The following CADPS variants were observed in gnomAD, a reference collection of about 807,000 sequenced individuals.
CADPS encodes calcium-dependent secretion activator 1.
In CADPS, 57 loss-of-function variants were observed where a neutral mutation model predicts 167.3. That is an observed-to-expected ratio of 0.34 (90% CI 0.28 to 0.42). The LOEUF (loss-of-function observed/expected upper bound fraction) is 0.42. CADPS is among the 20% of genes least tolerant of loss of function. The pLI is 1.00. For synonymous variants in CADPS, 676 were observed against 635.3 expected, an observed-to-expected ratio of 1.06 and a Z score of -0.96; for missense variants, 1,414 against 1,738.1, an observed-to-expected ratio of 0.81 and a Z score of 3.32.
At chr3:62,534,402 T>TGCATGCA (rs2074297283) in intron 12 of CADPS, among the ~76,000 whole-genome samples, 1 of 152,158 alleles carries the variant, frequency 6.6e-6, no homozygotes, top group Non-Finnish European at 1.5e-5. Context: ...AGCTCAGTGA[T>TGCATGCA]GCATCCAACG....
intron 3 of CADPS, among the ~76,000 whole-genome samples, chr3:62,729,484 G>A (rs907808779): frequency 6.6e-6 from 1 of 151,776 alleles, no homozygotes; most frequent in Non-Finnish European, 1.5e-5. Context: ...TATAAAGTGG[G>A]GTCTAAGAGC....
chr3:62,760,188 TTTCTAACCTTAATATATTAATATA>T (rs1302038710), intron 2 of CADPS, among the ~76,000 whole-genome samples: 5 of 152,150 alleles, frequency 3.3e-5, no homozygotes, highest in Non-Finnish European at 7.3e-5. Flanking sequence ...ACCATGCTCA[TTTCTAACCTTAATATATTAATATA>T]TTCTAACCTT....
At chr3:62,741,143 C>G (rs1053459416) in intron 3 of CADPS, among the ~76,000 whole-genome samples, 3 of 152,092 alleles carry the variant, frequency 2.0e-5, no homozygotes, top group Non-Finnish European at 4.4e-5. Flanking sequence ...TTAATGGTAG[C>G]TAATAATAAC....
At position 62,438,426 on chromosome 3, in the gene CADPS, G is replaced by A. The variant is rs1046559844; in HGVS notation, c.3670-215C>T. The stretch of plus-strand genomic sequence containing the variant: ...CAGAAATCAAGCCTGGCTAAGAAGG[G>A]CATTGAGATTGTAGGATTTTATAAA... On this transcript the variant is annotated intron_variant, in intron 27 of 29. Transcript: ENST00000383710. This position sits in a 1 kb window ranked among gnomAD's most constrained non-coding sequence, Gnocchi z 4.7. The A allele has an allele frequency of 2.2e-5, 11 of 491,312 alleles. No individual in the cohort carries two copies. Among genetic ancestry groups the A allele is most frequent in the African/African-American group, 1.6e-4 (8 of 50,702 alleles). The allele number at this position is 491,312 out of a possible 1,614,324, so 30.4% of individuals were successfully genotyped here.
intron 1 of CADPS, among the ~76,000 whole-genome samples, chr3:62,853,139 A>T (rs113448820): frequency 0.01 from 1,583 of 152,338 alleles, 18 homozygotes; most frequent in Non-Finnish European, 0.019. Context: ...AGTAGGACAA[A>T]CAGGAAATGT....
chr3:62,576,684 G>A (rs909333926), intron 8 of CADPS, among the ~76,000 whole-genome samples: 12 of 149,584 alleles, frequency 8.0e-5, no homozygotes, highest in African/African-American at 1.7e-4. Context: ...CCAGCTACTC[G>A]GGAGGCTGAG....
chr3:62,473,005 G>A (rs1005048415), intron 24 of CADPS, among the ~76,000 whole-genome samples: 4 of 152,170 alleles, frequency 2.6e-5, no homozygotes, highest in African/African-American at 2.4e-5. Flanking sequence ...AGACCTATCT[G>A]AAATTCTTGG....
At chr3:62,752,978 A>ATATAC (rs2083029723) in intron 3 of CADPS, among the ~76,000 whole-genome samples, 1 of 152,228 alleles carries the variant, frequency 6.6e-6, no homozygotes, top group African/African-American at 2.4e-5. Flanking sequence ...GATGTGACTA[A>ATATAC]TATACAGGTA....
At chr3:62,665,752 T>G (rs1020610979) in intron 3 of CADPS, among the ~76,000 whole-genome samples, 2 of 152,182 alleles carry the variant, frequency 1.3e-5, no homozygotes, top group Non-Finnish European at 2.9e-5. Context: ...GGTGTGTCCT[T>G]ATCCTGGTTG....
chr3:62,687,713 T>C (rs1007145183), intron 3 of CADPS, among the ~76,000 whole-genome samples: 1 of 149,126 alleles, frequency 6.7e-6, no homozygotes, highest in Non-Finnish European at 1.5e-5. Flanking sequence ...TTTTCATTGC[T>C]ACTTCCGGGG....
chr3:62,599,835 A>T (rs1322292800), intron 6 of CADPS, among the ~76,000 whole-genome samples: 1 of 1,938 alleles, frequency 5.2e-4, no homozygotes, highest in African/African-American at 6.1e-4. Flanking sequence ...TATATATATA[A>T]TATATTATAT....
At chr3:62,612,950 G>A (rs1034984508) in intron 6 of CADPS, among the ~76,000 whole-genome samples, 2 of 152,138 alleles carry the variant, frequency 1.3e-5, no homozygotes, top group Non-Finnish European at 2.9e-5. Context: ...ATAGTGTTTG[G>A]GCAAGACAGA....
chr3:62,399,975 T>C lies in CADPS; in HGVS notation c.3883-390A>G, dbSNP rs1393149404. The stretch of plus-strand genomic sequence containing the variant: ...TATAATATATAAATAATGGATTGAG[T>C]GATTATGGTATTTTGTGATTTCTGT... On this transcript the variant is annotated intron_variant, in intron 29 of 29. Transcript: ENST00000383710. The surrounding 1 kb of genome is among the most constrained non-coding windows in gnomAD (Gnocchi z 5.6). Among the ~76,000 whole-genome samples, 1 of 152,094 alleles carries C rather than the reference T, an allele frequency of 6.6e-6. No individual in the cohort carries two copies. Among genetic ancestry groups the C allele is most frequent in the East Asian group, 1.9e-4 (1 of 5,188 alleles).
chr3:62,509,890 T>C (rs1289728620), intron 17 of CADPS, among the ~76,000 whole-genome samples: 1 of 152,184 alleles, frequency 6.6e-6, no homozygotes, highest in Non-Finnish European at 1.5e-5. Context: ...GCATGGTATT[T>C]AAATTTAGAC....
intron 8 of CADPS, among the ~76,000 whole-genome samples, chr3:62,579,054 A>G (rs2152512555): frequency 6.6e-6 from 1 of 152,330 alleles, no homozygotes. Flanking sequence ...AAGTGTTACA[A>G]ACTGTATTCC....
At chr3:62,550,142 T>C in intron 10 of CADPS, 27 bp from the exon 11 acceptor site, 1 of 1,575,952 alleles carries the variant, frequency 6.3e-7, no homozygotes, top group Non-Finnish European at 8.7e-7. Flanking sequence ...TAACAACTTC[T>C]ACTAAGCTGA....
chr3:62,809,428 T>G (rs1379622556), intron 1 of CADPS, among the ~76,000 whole-genome samples: 2 of 152,190 alleles, frequency 1.3e-5, no homozygotes, highest in African/African-American at 4.8e-5. Context: ...CAAGCCAATC[T>G]CAGGGTTTGT....
chr3:62,516,224 A>G (rs1427547002), intron 15 of CADPS, 42 bp from the exon 16 acceptor site: 1 of 1,610,338 alleles, frequency 6.2e-7, no homozygotes, highest in Admixed American at 1.7e-5. Flanking sequence ...AGGTTCAAGC[A>G]AATGTGTCAC....
At chr3:62,854,970 G>T (rs570636219) in intron 1 of CADPS, among the ~76,000 whole-genome samples, 1 of 152,144 alleles carries the variant, frequency 6.6e-6, no homozygotes, top group South Asian at 2.1e-4. Flanking sequence ...TGTCACCCAG[G>T]CTGGAGTACA....
Sources: gnomAD v4.1 joint callset for allele counts (sites outside exome capture counted in the v4.1 genomes callset) on GRCh38, gnomAD v4.1.1 for gene constraint, Gnocchi (gnomAD v3.1) non-coding constraint, MANE v1.5 for transcripts, NCBI Gene and HGNC (gene_info 2026-07-23, HGNC 2026-07-21) for gene names.